CDKAL1: variants seen among roughly 807,000 people sequenced by gnomAD.
CDKAL1 encodes CDKAL1 threonylcarbamoyladenosine tRNA methylthiotransferase, also known as threonylcarbamoyladenosine tRNA methylthiotransferase.
Under a neutral mutation model 68.2 loss-of-function variants are expected in CDKAL1, and 32 were observed. That is an observed-to-expected ratio of 0.47 (90% CI 0.35 to 0.63). The LOEUF (loss-of-function observed/expected upper bound fraction) is 0.63. Among genes scored for constraint, CDKAL1 ranks in the 30% least tolerant of loss-of-function variants. The pLI is 0.00. For synonymous variants in CDKAL1, 234 were observed against 244.3 expected (o/e 0.96, Z 0.39); for missense variants, 606 against 696.7 (o/e 0.87, Z 1.47).
chr6:20,685,083 A>G (rs1770557282), intron 5 of CDKAL1, among the ~76,000 whole-genome samples: 1 of 152,150 alleles, frequency 6.6e-6, no homozygotes, highest in African/African-American at 2.4e-5. Flanking sequence ...TGTCAAACCT[A>G]AGGGCATCTA....
chr6:20,580,172 A>G (rs2127688152), intron 4 of CDKAL1, among the ~76,000 whole-genome samples: 1 of 152,280 alleles, frequency 6.6e-6, no homozygotes, highest in South Asian at 2.1e-4. Flanking sequence ...TGGTACTCAG[A>G]TTGGGCACAC....
At chr6:21,175,572 T>C (rs1046881465) in intron 13 of CDKAL1, among the ~76,000 whole-genome samples, 2 of 152,348 alleles carry the variant, frequency 1.3e-5, no homozygotes, top group Admixed American at 1.3e-4. Flanking sequence ...TTTAGCCTTT[T>C]ATTTTTATTT....
intron 5 of CDKAL1, among the ~76,000 whole-genome samples, chr6:20,691,495 G>A (rs2127803111): frequency 6.6e-6 from 1 of 152,156 alleles, no homozygotes; most frequent in South Asian, 2.1e-4. Context: ...AATTTAGTCT[G>A]TAGTTTTATT....
chr6:20,987,789 TA>T (rs1766552053), intron 10 of CDKAL1, among the ~76,000 whole-genome samples: 2 of 152,114 alleles, frequency 1.3e-5, no homozygotes, highest in African/African-American at 4.8e-5. Context: ...CATTTTATTT[TA>T]TTTTTTTGGG....
In CDKAL1 at chr6:21,231,217, G is replaced by A; in HGVS notation, c.*178G>A. On this transcript the variant is annotated 3_prime_UTR_variant, in exon 16 of 16. Transcript: ENST00000274695. The stretch of plus-strand genomic sequence containing the variant: ...TGTCTCACATTGAGTTGGGCCCATT[G>A]GTTATTTGACCTAAAACCTAATCAC... 2.2e-6 allele frequency: 1 copy of A among 462,104 alleles called. No individual in the cohort carries two copies. Among genetic ancestry groups the A allele is most frequent in the Non-Finnish European group, 3.8e-6 (1 of 263,484 alleles). 28.6% of individuals were successfully genotyped at this position (462,104 alleles called of 1,614,324 possible).
At chr6:20,949,569 T>C (rs938619374) in intron 9 of CDKAL1, among the ~76,000 whole-genome samples, 1 of 152,238 alleles carries the variant, frequency 6.6e-6, no homozygotes, top group South Asian at 2.1e-4. Context: ...TGATGATTGA[T>C]GGAACCAAAA....
chr6:21,218,441 A>C (rs1779417358), intron 15 of CDKAL1, among the ~76,000 whole-genome samples: 1 of 152,252 alleles, frequency 6.6e-6, no homozygotes, highest in Non-Finnish European at 1.5e-5. Context: ...TCAGAAATCT[A>C]GGTGCAGCTT....
At chr6:20,672,023 C>T (rs1769841248) in intron 5 of CDKAL1, among the ~76,000 whole-genome samples, 1 of 152,094 alleles carries the variant, frequency 6.6e-6, no homozygotes, top group South Asian at 2.1e-4. Flanking sequence ...TGTTCTGCTC[C>T]ACGGTTCTGT....
chr6:20,706,727 C>T (rs902896913), intron 5 of CDKAL1, among the ~76,000 whole-genome samples: 1 of 152,158 alleles, frequency 6.6e-6, no homozygotes, highest in Non-Finnish European at 1.5e-5. Context: ...TCACCTGCTG[C>T]TCTCTTTATG....
intron 2 of CDKAL1, among the ~76,000 whole-genome samples, chr6:20,542,108 C>T (rs1340569228): frequency 6.6e-6 from 1 of 152,062 alleles, no homozygotes; most frequent in Non-Finnish European, 1.5e-5. Context: ...TTTCGGATAC[C>T]CAGTGCATAA....
At chr6:20,894,930 A>G (rs1277759139) in intron 9 of CDKAL1, among the ~76,000 whole-genome samples, 1 of 152,086 alleles carries the variant, frequency 6.6e-6, no homozygotes, top group East Asian at 1.9e-4. Context: ...TGTGCTCTTC[A>G]GATTCTTTTT....
chr6:20,752,782 A>C (rs1347851252), intron 6 of CDKAL1, among the ~76,000 whole-genome samples: 3 of 152,194 alleles, frequency 2.0e-5, no homozygotes, highest in Non-Finnish European at 4.4e-5. Flanking sequence ...CAGTATTAAT[A>C]CAATATTATA....
At chr6:20,617,219 A>C (rs1408621223) in intron 4 of CDKAL1, among the ~76,000 whole-genome samples, 2 of 151,956 alleles carry the variant, frequency 1.3e-5, no homozygotes, top group Admixed American at 6.6e-5. Context: ...TTTAAGGGAG[A>C]TCTGCCTCTG....
At chr6:20,601,862 G>A (rs753216385) in intron 4 of CDKAL1, among the ~76,000 whole-genome samples, 7 of 152,086 alleles carry the variant, frequency 4.6e-5, no homozygotes, top group Non-Finnish European at 8.8e-5. Flanking sequence ...GCCTTCTTCT[G>A]CATTATTCTC....
At chr6:20,741,208 A>G (rs1358725520) in intron 6 of CDKAL1, among the ~76,000 whole-genome samples, 3 of 152,042 alleles carry the variant, frequency 2.0e-5, no homozygotes, top group Non-Finnish European at 4.4e-5. Context: ...CCAATGTCAC[A>G]GCTTTGTGTC....
intron 13 of CDKAL1, among the ~76,000 whole-genome samples, chr6:21,131,265 A>G (rs1182788985): frequency 6.6e-6 from 1 of 152,204 alleles, no homozygotes; most frequent in Non-Finnish European, 1.5e-5. Flanking sequence ...TGATAGATTT[A>G]GTTGTAGATA....
chr6:21,018,540 A>G (rs1052673610), intron 11 of CDKAL1, among the ~76,000 whole-genome samples: 3 of 152,184 alleles, frequency 2.0e-5, no homozygotes, highest in Admixed American at 6.6e-5. Context: ...TTCTTATTAA[A>G]ATGAAATTCC....
At chr6:20,925,212 T>C (rs1346058544) in intron 9 of CDKAL1, among the ~76,000 whole-genome samples, 7 of 152,222 alleles carry the variant, frequency 4.6e-5, no homozygotes. Context: ...CAGACGATCG[T>C]TAGCATTTTG....
chr6:20,939,170 G>A (rs1309845787), intron 9 of CDKAL1, among the ~76,000 whole-genome samples: 1 of 152,130 alleles, frequency 6.6e-6, no homozygotes, highest in Non-Finnish European at 1.5e-5. Flanking sequence ...GGGTGGGGTG[G>A]AGAGGCAATA....
Sources: allele counts gnomAD v4.1 joint callset (sites outside exome capture counted in the v4.1 genomes callset), GRCh38; gene constraint gnomAD v4.1.1; transcripts MANE v1.5; gene names NCBI Gene and HGNC (gene_info 2026-07-23, HGNC 2026-07-21).